The following AUTS2 variants were observed in gnomAD, a reference collection of about 807,000 sequenced individuals.
AUTS2 encodes autism susceptibility gene 2 protein.
Under a neutral mutation model 112.4 loss-of-function variants are expected in AUTS2, and 17 were observed. The observed-to-expected ratio is 0.15, with a 90% CI of 0.10 to 0.23. AUTS2 has a LOEUF of 0.23. Among genes scored for constraint, AUTS2 ranks in the 10% least tolerant of loss-of-function variants. The pLI, the probability that AUTS2 is intolerant of heterozygous loss-of-function variation, is 1.00. For missense variants in AUTS2, 1,510 were observed against 1,701.6 expected, an observed-to-expected ratio of 0.89 and a Z score of 1.98; for synonymous variants, 751 against 702.7, an observed-to-expected ratio of 1.07 and a Z score of -1.09.
At chr7:69,725,211 C>T (rs608796) in intron 1 of AUTS2, among the ~76,000 whole-genome samples, 108,399 of 151,890 alleles carry the variant, frequency 0.71, 38,722 homozygotes, top group East Asian at 0.79. Context: ...GAAAAATTAG[C>T]AGGAGTATAT....
intron 1 of AUTS2, among the ~76,000 whole-genome samples, chr7:69,856,676 G>A (rs1297253841): frequency 6.6e-6 from 1 of 152,138 alleles, no homozygotes; most frequent in East Asian, 1.9e-4. Flanking sequence ...TGTGCAGTGG[G>A]TCTCCTCACA....
intron 2 of AUTS2, among the ~76,000 whole-genome samples, chr7:70,027,317 A>T (rs1256632478): frequency 6.6e-6 from 1 of 152,048 alleles, no homozygotes; most frequent in East Asian, 1.9e-4. Flanking sequence ...TTTTCCTCAT[A>T]CTGGTCTAAC....
At chr7:69,799,896 C>T (rs984229672) in intron 1 of AUTS2, among the ~76,000 whole-genome samples, 2 of 152,064 alleles carry the variant, frequency 1.3e-5, no homozygotes, top group African/African-American at 4.8e-5. Flanking sequence ...ACCTTTTTAC[C>T]TGGGCAGTTC....
chr7:70,081,969 C>CGCGT lies in AUTS2; in HGVS notation c.523-36160_523-36159insTGCG, dbSNP rs1228382179. Among the ~76,000 whole-genome samples the CGCGT allele has an allele frequency of 1.9e-4, 28 of 147,122 alleles. No homozygotes were observed. In the East Asian group the frequency reaches 4.7e-3, roughly 25 times the overall value. On this transcript the variant is annotated intron_variant, in intron 2 of 18. Coordinates refer to ENST00000342771, the MANE Select transcript of AUTS2 (RefSeq NM_015570.4). The stretch of plus-strand genomic sequence containing the variant: ...GTGTGTGTGTGTGTGTGTGTGTGCG[C>CGCGT]GCGCCTGTGTGTGTGTTTAAATTAG...
chr7:69,696,405 T>G (rs565505), intron 1 of AUTS2, among the ~76,000 whole-genome samples: 93,455 of 151,974 alleles, frequency 0.61, 29,051 homozygotes, highest in East Asian at 0.71. Flanking sequence ...ATAGAATTTT[T>G]TTTTTACGTG....
At chr7:69,795,450 C>T (rs1376410921) in intron 1 of AUTS2, among the ~76,000 whole-genome samples, 1 of 152,110 alleles carries the variant, frequency 6.6e-6, no homozygotes, top group African/African-American at 2.4e-5. Flanking sequence ...GACATCGAGG[C>T]AGGAGGATCA....
intron 1 of AUTS2, among the ~76,000 whole-genome samples, chr7:69,804,130 T>C (rs913652455): frequency 6.6e-6 from 1 of 152,174 alleles, no homozygotes; most frequent in South Asian, 2.1e-4. Flanking sequence ...GATTGTGATG[T>C]CCCTGGTGAG....
chr7:69,843,740 C>T (rs754980591), intron 1 of AUTS2, among the ~76,000 whole-genome samples: 4 of 152,090 alleles, frequency 2.6e-5, no homozygotes, highest in Non-Finnish European at 5.9e-5. Context: ...ATGGCCCTAG[C>T]TCAAATGGTA....
At chr7:70,186,466 C>A (rs1809610815) in intron 4 of AUTS2, among the ~76,000 whole-genome samples, 1 of 151,970 alleles carries the variant, frequency 6.6e-6, no homozygotes, top group African/African-American at 2.4e-5. Flanking sequence ...ATGTTTGTTG[C>A]TTACTGCCAT....
intron 4 of AUTS2, among the ~76,000 whole-genome samples, chr7:70,224,348 A>ACAATG (rs1304568318): frequency 9.5e-6 from 1 of 105,698 alleles, no homozygotes; most frequent in Non-Finnish European, 1.9e-5. Flanking sequence ...ACAATACAAT[A>ACAATG]CAATACAATA....
At chr7:70,103,363 C>T (rs1255238439) in intron 2 of AUTS2, among the ~76,000 whole-genome samples, 2 of 152,140 alleles carry the variant, frequency 1.3e-5, no homozygotes, top group Non-Finnish European at 2.9e-5. Flanking sequence ...ATCTGCCTCA[C>T]AGGTTCTGAG....
intron 5 of AUTS2, among the ~76,000 whole-genome samples, chr7:70,504,108 A>G (rs1214653410): frequency 6.9e-6 from 1 of 144,180 alleles, no homozygotes; most frequent in Admixed American, 6.9e-5. Context: ...GACATTTCTC[A>G]TCTGTCGTCT....
At chr7:70,315,747 G>A (rs77194679) in intron 4 of AUTS2, among the ~76,000 whole-genome samples, 5,650 of 152,184 alleles carry the variant, frequency 0.037, 160 homozygotes, top group Non-Finnish European at 0.057. Context: ...ATATCCGGTC[G>A]ACAATCCATG....
At chr7:70,439,030 G>T (rs1796013040) in intron 5 of AUTS2, among the ~76,000 whole-genome samples, 1 of 152,204 alleles carries the variant, frequency 6.6e-6, no homozygotes, top group South Asian at 2.1e-4. Flanking sequence ...CCTCTGATAT[G>T]AAGCTGTAAT....
intron 2 of AUTS2, among the ~76,000 whole-genome samples, chr7:70,112,615 T>C (rs1805142356): frequency 6.6e-6 from 1 of 152,090 alleles, no homozygotes; most frequent in African/African-American, 2.4e-5. Context: ...GGTTTATAAC[T>C]TAGAAGGGTA....
chr7:69,781,012 T>C (rs898317006), intron 1 of AUTS2, among the ~76,000 whole-genome samples: 5 of 152,332 alleles, frequency 3.3e-5, no homozygotes, highest in African/African-American at 1.2e-4. Flanking sequence ...ACTGCTCCTA[T>C]TCCCCAAATT....
intron 1 of AUTS2, among the ~76,000 whole-genome samples, chr7:69,895,032 A>G (rs1339376976): frequency 1.3e-5 from 2 of 152,064 alleles, no homozygotes; most frequent in African/African-American, 4.8e-5. Context: ...TTATAGCAAT[A>G]CTAGAGACTG....
chr7:70,643,399 C>T lies in AUTS2; in HGVS notation c.691-55170C>T, dbSNP rs918798259. ...CATCCTGGCCAACAGGGTGAAACCC[C>T]GTCTCTACTAAAAATACAAAAATTA... On this transcript the variant is annotated intron_variant, in intron 5 of 18. Transcript: ENST00000342771. Among the ~76,000 whole-genome samples, 20 of 152,150 alleles carry T rather than the reference C, an allele frequency of 1.3e-4. 1 individual carries two copies. Among genetic ancestry groups the T allele is most frequent in the Admixed American group, 2.6e-4 (4 of 15,268 alleles).
At chr7:70,351,435 A>G (rs965978706) in intron 4 of AUTS2, among the ~76,000 whole-genome samples, 1 of 152,172 alleles carries the variant, frequency 6.6e-6, no homozygotes, top group African/African-American at 2.4e-5. Context: ...CTATTCATCC[A>G]TTGATGGACA....
Sources: gnomAD v4.1 joint callset for allele counts (sites outside exome capture counted in the v4.1 genomes callset) on GRCh38, gnomAD v4.1.1 for gene constraint, MANE v1.5 for transcripts, NCBI Gene and HGNC (gene_info 2026-07-23, HGNC 2026-07-21) for gene names.